RPS6KC1: variants seen among roughly 807,000 people sequenced by gnomAD.
The protein encoded by RPS6KC1 is ribosomal protein S6 kinase C1, also known as inactive ribosomal protein S6 kinase delta-1.
A neutral mutation model predicts 103.8 loss-of-function variants in RPS6KC1; 54 were observed. That is an observed-to-expected ratio of 0.52 (90% CI 0.42 to 0.65). The LOEUF (loss-of-function observed/expected upper bound fraction) is 0.65, where lower values mean the gene tolerates loss of function less well. RPS6KC1 is among the 30% of genes least tolerant of loss of function. The probability of loss-of-function intolerance (pLI) is 0.00; values close to 1 mark genes in which losing one functional copy is unlikely to be tolerated. For missense variants in RPS6KC1, 1,151 were observed against 1,253.8 expected (o/e 0.92, Z 1.24); for synonymous variants, 439 against 438.7 (o/e 1.00, Z -0.01).
chr1:213,649,846 G>A, the RPS6KC1 span, among the ~76,000 whole-genome samples: 2 of 152,216 alleles, frequency 1.3e-5, no homozygotes, highest in Admixed American at 6.5e-5. Context: ...AACTCTTGCT[G>A]TTCATGGTGG....
chr1:213,744,693 C>T, the RPS6KC1 span, among the ~76,000 whole-genome samples: 11 of 152,310 alleles, frequency 7.2e-5, no homozygotes, highest in East Asian at 1.4e-3. Context: ...AGAGGTGAGA[C>T]GTAATGTCTT....
intron 10 of RPS6KC1, among the ~76,000 whole-genome samples, chr1:213,240,471 T>C (rs113469783): frequency 0.01 from 1,593 of 152,172 alleles, 31 homozygotes; most frequent in African/African-American, 0.036. Context: ...AGAAATAGGT[T>C]GTCACTTAAA....
intron 8 of RPS6KC1, among the ~76,000 whole-genome samples, chr1:213,190,705 A>G (rs922877183): frequency 2.0e-5 from 3 of 152,168 alleles, no homozygotes; most frequent in Admixed American, 6.5e-5. Context: ...CTTGTAGCGT[A>G]TTACTCAATA....
chr1:213,236,123 T>G (rs2094215204), intron 10 of RPS6KC1, among the ~76,000 whole-genome samples: 1 of 152,052 alleles, frequency 6.6e-6, no homozygotes, highest in African/African-American at 2.4e-5. Flanking sequence ...GCACACTCCT[T>G]ATGGGAATCT....
the RPS6KC1 span, among the ~76,000 whole-genome samples, chr1:213,512,260 G>A: frequency 6.6e-6 from 1 of 152,172 alleles, no homozygotes; most frequent in African/African-American, 2.4e-5. Context: ...ACATTTAAAT[G>A]CCCAAAGGAA....
At chr1:213,116,878 G>A (rs2083704755) in intron 4 of RPS6KC1, among the ~76,000 whole-genome samples, 1 of 152,064 alleles carries the variant, frequency 6.6e-6, no homozygotes. Flanking sequence ...TCGAATATTG[G>A]CCCCCACTCT....
intron 6 of RPS6KC1, among the ~76,000 whole-genome samples, chr1:213,163,123 T>TA (rs760151691): frequency 1.3e-5 from 2 of 151,958 alleles, no homozygotes; most frequent in African/African-American, 2.4e-5. Context: ...AATCAGCACT[T>TA]AAAAAAAACT....
the RPS6KC1 span, among the ~76,000 whole-genome samples, chr1:213,696,226 G>T: frequency 6.6e-6 from 1 of 152,032 alleles, no homozygotes; most frequent in Non-Finnish European, 1.5e-5. Context: ...TTGGCCAGGC[G>T]TGGTGGCTCA....
the RPS6KC1 span, among the ~76,000 whole-genome samples, chr1:213,588,158 C>T: frequency 9.1e-4 from 139 of 152,228 alleles, 2 homozygotes; most frequent in African/African-American, 3.1e-3. Context: ...TCACCACAGC[C>T]TCAACCTCCC....
At chr1:213,250,074 A>T (rs990496076) in intron 12 of RPS6KC1, among the ~76,000 whole-genome samples, 1 of 152,214 alleles carries the variant, frequency 6.6e-6, no homozygotes, top group Non-Finnish European at 1.5e-5. Flanking sequence ...AGTTCCCCAC[A>T]ATACAGCAGG....
At chr1:213,483,042 GA>G in the RPS6KC1 span, among the ~76,000 whole-genome samples, 1 of 150,958 alleles carries the variant, frequency 6.6e-6, no homozygotes, top group Admixed American at 6.6e-5. Flanking sequence ...CTACTAGTGA[GA>G]GTCTTTATTA....
At chr1:213,248,796 T>C (rs2094497099) in intron 12 of RPS6KC1, among the ~76,000 whole-genome samples, 1 of 152,184 alleles carries the variant, frequency 6.6e-6, no homozygotes, top group Admixed American at 6.5e-5. Context: ...TTGTCTCTAG[T>C]GGTGAGAATG....
At chr1:213,797,586 G>C in the RPS6KC1 span, among the ~76,000 whole-genome samples, 1 of 152,216 alleles carries the variant, frequency 6.6e-6, no homozygotes, top group African/African-American at 2.4e-5. Flanking sequence ...AAGTCCTTAA[G>C]AAAGGGTTTG....
chr1:213,267,867 T>G (rs2094947600), intron 14 of RPS6KC1, among the ~76,000 whole-genome samples: 1 of 151,234 alleles, frequency 6.6e-6, no homozygotes, highest in Non-Finnish European at 1.5e-5. Context: ...CTTAAATTAA[T>G]AGAAATTATT....
the RPS6KC1 span, among the ~76,000 whole-genome samples, chr1:213,625,370 T>G: frequency 2.0e-5 from 3 of 152,350 alleles, no homozygotes; most frequent in Admixed American, 6.5e-5. Context: ...AATGGTAACA[T>G]GCAGTATGGA....
chr1:213,327,712 A>C, the RPS6KC1 span, among the ~76,000 whole-genome samples: 1 of 152,234 alleles, frequency 6.6e-6, no homozygotes, highest in Non-Finnish European at 1.5e-5. Flanking sequence ...ATTGATTTCT[A>C]TTTGGGAAGA....
chr1:213,259,799 C>T (rs2094740125), intron 12 of RPS6KC1, among the ~76,000 whole-genome samples: 2 of 125,656 alleles, frequency 1.6e-5, no homozygotes, highest in East Asian at 2.6e-4. Context: ...AGTGCAGTGG[C>T]CTGCTCTCAG....
chr1:213,386,608 G>A, the RPS6KC1 span, among the ~76,000 whole-genome samples: 4 of 152,182 alleles, frequency 2.6e-5, no homozygotes, highest in Non-Finnish European at 5.9e-5. Context: ...CAGGAGGGAT[G>A]CCGCTAACTC....
the RPS6KC1 span, among the ~76,000 whole-genome samples, chr1:213,689,496 G>A: frequency 6.6e-6 from 1 of 152,160 alleles, no homozygotes; most frequent in Non-Finnish European, 1.5e-5. Context: ...TGCCTCTTAG[G>A]TGTTCTCCCC....
Sources: allele counts gnomAD v4.1 joint callset (sites outside exome capture counted in the v4.1 genomes callset), GRCh38; gene constraint gnomAD v4.1.1; transcripts MANE v1.5; gene names NCBI Gene and HGNC (gene_info 2026-07-23, HGNC 2026-07-21).